The following RETREG1 variants were observed in gnomAD, a reference collection of about 807,000 sequenced individuals.
RETREG1 encodes the protein reticulophagy regulator 1.
In RETREG1, 44 loss-of-function variants were observed where a neutral mutation model predicts 54.8. The ratio of observed to expected loss-of-function variants is 0.80; its 90% CI spans 0.63 to 1.03. The LOEUF (loss-of-function observed/expected upper bound fraction) is 1.03, where lower values mean the gene tolerates loss of function less well. RETREG1 is among the 50% of genes least tolerant of loss of function. The probability of loss-of-function intolerance (pLI) is 0.00; values close to 1 mark genes in which losing one functional copy is unlikely to be tolerated. For synonymous variants in RETREG1, 217 were observed against 238.5 expected (o/e 0.91, Z 0.83); for missense variants, 554 against 605.1 (o/e 0.92, Z 0.89).
chr5:16,612,557 A>G (rs777531436), intron 1 of RETREG1, among the ~76,000 whole-genome samples: 1 of 152,234 alleles, frequency 6.6e-6, no homozygotes, highest in East Asian at 1.9e-4. Flanking sequence ...AAAAAATTCT[A>G]AAAACATGTT....
At chr5:16,577,031 G>A (rs1742341781) in intron 1 of RETREG1, among the ~76,000 whole-genome samples, 1 of 107,534 alleles carries the variant, frequency 9.3e-6, no homozygotes, top group Non-Finnish European at 2.2e-5. Context: ...TCATTTTTGT[G>A]TGCACGCACA....
At position 16,593,737 on chromosome 5, in the gene RETREG1, C is replaced by G. The variant is rs1242446621; in HGVS notation, c.321-21635G>C. Among the ~76,000 whole-genome samples, 2 of 152,184 alleles carry G rather than the reference C, an allele frequency of 1.3e-5. No homozygotes were observed. Among genetic ancestry groups the G allele is most frequent in the African/African-American group, 2.4e-5 (1 of 41,442 alleles). On this transcript the variant is annotated intron_variant, in intron 1 of 8. Coordinates refer to ENST00000306320, the MANE Select transcript of RETREG1 (RefSeq NM_001034850.3). This position sits in a 1 kb window ranked among gnomAD's most constrained non-coding sequence, Gnocchi z 4.9. ...CCTCTGATAACCAAGAGAAGTAAAT[C>G]TAGCTCTCCTAATTTGCCCCATACT...
intron 3 of RETREG1, among the ~76,000 whole-genome samples, chr5:16,518,347 A>G (rs1740426505): frequency 6.6e-6 from 1 of 150,790 alleles, no homozygotes; most frequent in Non-Finnish European, 1.5e-5. Context: ...GCAAACTAGA[A>G]GGACAAGGCG....
intron 3 of RETREG1, among the ~76,000 whole-genome samples, chr5:16,504,907 G>T (rs1417381378): frequency 2.0e-5 from 3 of 152,184 alleles, no homozygotes; most frequent in Admixed American, 6.5e-5. Flanking sequence ...AGAAATGGTA[G>T]TATCAACAAT....
chr5:16,573,731 G>GTT (rs1454072189), intron 1 of RETREG1, among the ~76,000 whole-genome samples: 181 of 109,762 alleles, frequency 1.6e-3, no homozygotes, highest in Non-Finnish European at 3.0e-3. Flanking sequence ...TTTTGGGTTT[G>GTT]TTTGTTTTTT....
chr5:16,603,752 C>A (rs978278112), intron 1 of RETREG1, among the ~76,000 whole-genome samples: 2 of 151,876 alleles, frequency 1.3e-5, no homozygotes, highest in African/African-American at 4.8e-5. Flanking sequence ...TCGCATCCCA[C>A]ATCACATATT....
At chr5:16,577,452 A>C (rs1002037443) in intron 1 of RETREG1, among the ~76,000 whole-genome samples, 4 of 152,040 alleles carry the variant, frequency 2.6e-5, no homozygotes, top group Non-Finnish European at 5.9e-5. Flanking sequence ...ACAAGGGGTG[A>C]CGGCCCTTCA....
chr5:16,489,200 A>G (rs1739155244), intron 3 of RETREG1, among the ~76,000 whole-genome samples: 1 of 147,702 alleles, frequency 6.8e-6, no homozygotes. Flanking sequence ...TTATGAACAA[A>G]ATAACTCAGT....
chr5:16,545,833 A>G (rs1431371146), intron 3 of RETREG1, among the ~76,000 whole-genome samples: 1 of 152,226 alleles, frequency 6.6e-6, no homozygotes, highest in Non-Finnish European at 1.5e-5. Flanking sequence ...AAGCTTCCTC[A>G]GAAAGAAGGG....
intron 2 of RETREG1, among the ~76,000 whole-genome samples, chr5:16,570,801 T>C (rs1331134512): frequency 1.3e-5 from 2 of 152,112 alleles, no homozygotes; most frequent in East Asian, 3.9e-4. Context: ...AGTGCCTGTT[T>C]GGGCTGAAAT....
At chr5:16,604,781 C>G (rs940696937) in intron 1 of RETREG1, among the ~76,000 whole-genome samples, 1 of 152,138 alleles carries the variant, frequency 6.6e-6, no homozygotes, top group African/African-American at 2.4e-5. Context: ...AAAAATCTTT[C>G]CAAAAACTGG....
chr5:16,503,670 AAAAAAAAAG>A (rs1164749139), intron 3 of RETREG1, among the ~76,000 whole-genome samples: 1 of 147,994 alleles, frequency 6.8e-6, no homozygotes, highest in Non-Finnish European at 1.5e-5. Context: ...CTCAAAAAAA[AAAAAAAAAG>A]AAAGAAAGAA....
chr5:16,582,081 T>C (rs938304663), intron 1 of RETREG1, among the ~76,000 whole-genome samples: 2 of 152,232 alleles, frequency 1.3e-5, no homozygotes, highest in Non-Finnish European at 2.9e-5. Context: ...CATATCATGA[T>C]AGGTAAACAT....
chr5:16,506,063 A>G (rs557759988), intron 3 of RETREG1, among the ~76,000 whole-genome samples: 1 of 152,358 alleles, frequency 6.6e-6, no homozygotes, highest in East Asian at 1.9e-4. Context: ...TGGTTCACCA[A>G]GTCCATTTGG....
chr5:16,561,834 G>T lies in RETREG1; in HGVS notation c.458+3929C>A, dbSNP rs574412901. ...GTTGTGGGTGCAAGAAAGAAGGGGA[G>T]AAAATACCTTGACCAGTCAAACTGA... On this transcript the variant is annotated intron_variant, in intron 3 of 8. Transcript: ENST00000306320. This position sits in a 1 kb window ranked among gnomAD's most constrained non-coding sequence, Gnocchi z 4.2. Among the ~76,000 whole-genome samples the T allele has an allele frequency of 6.6e-6, 1 of 152,334 alleles. No homozygotes were observed. The highest frequency in any genetic ancestry group is 2.1e-4 in the South Asian group (1 of 4,824).
At chr5:16,570,296 A>G (rs563833664) in intron 2 of RETREG1, among the ~76,000 whole-genome samples, 5 of 152,334 alleles carry the variant, frequency 3.3e-5, no homozygotes, top group Admixed American at 2.0e-4. Flanking sequence ...TGTGAGTATG[A>G]AATTTCCACA....
chr5:16,590,885 AC>A (rs1742750768), intron 1 of RETREG1, among the ~76,000 whole-genome samples: 2 of 145,272 alleles, frequency 1.4e-5, no homozygotes, highest in Admixed American at 7.0e-5. Context: ...ATACACACAC[AC>A]GCACACACAC....
At chr5:16,539,296 C>G (rs1377331224) in intron 3 of RETREG1, among the ~76,000 whole-genome samples, 1 of 152,052 alleles carries the variant, frequency 6.6e-6, no homozygotes, top group Non-Finnish European at 1.5e-5. Flanking sequence ...TGCTCTGACC[C>G]GAAGCCAGCA....
chr5:16,489,480 T>A (rs187559330), intron 3 of RETREG1, among the ~76,000 whole-genome samples: 28 of 152,344 alleles, frequency 1.8e-4, no homozygotes, highest in African/African-American at 6.7e-4. Flanking sequence ...AGATTGTAAT[T>A]CTGTAAGACA....
Sources: gnomAD v4.1 joint callset for allele counts (sites outside exome capture counted in the v4.1 genomes callset) on GRCh38, gnomAD v4.1.1 for gene constraint, Gnocchi (gnomAD v3.1) non-coding constraint, MANE v1.5 for transcripts, NCBI Gene and HGNC (gene_info 2026-07-23, HGNC 2026-07-21) for gene names.